Variants in HERC2 observed in about 807,000 individuals in gnomAD.
HERC2 encodes HECT and RLD domain containing E3 ubiquitin protein ligase 2, also known as E3 ubiquitin-protein ligase HERC2.
HERC2 carries 102 observed loss-of-function variants against 537.7 expected under a neutral mutation model. That is an observed-to-expected ratio of 0.19 (90% CI 0.16 to 0.22). The LOEUF (loss-of-function observed/expected upper bound fraction) is 0.22, where lower values mean the gene tolerates loss of function less well. HERC2 is among the 10% of genes least tolerant of loss of function. The pLI, the probability that HERC2 is intolerant of heterozygous loss-of-function variation, is 1.00. For missense variants in HERC2, 4,236 were observed against 6,198.2 expected, an observed-to-expected ratio of 0.68 and a Z score of 10.63; for synonymous variants, 2,224 against 2,466.2, an observed-to-expected ratio of 0.90 and a Z score of 2.91.
At chr15:28,293,913 G>A (rs954235669) in intron 3 of HERC2, among the ~76,000 whole-genome samples, 3 of 152,228 alleles carry the variant, frequency 2.0e-5, no homozygotes, top group Non-Finnish European at 2.9e-5. Flanking sequence ...GCGAAGAGAA[G>A]AGAGAACTAA....
rs1903957000 is a variant in HERC2 at position 28,248,645 on chromosome 15, A to T, written c.3142T>A (p.Ser1048Thr). The change falls in exon 21 of 93, where the codon TCT (serine) becomes ACT (threonine). Residue 1048 changes from serine to threonine, a missense_variant. Ser to Thr is a moderately conservative substitution (Grantham distance 58, BLOSUM62 1). Around this residue, in one of 27 missense-constraint regions of HERC2, gnomAD observed 754 missense variants for 1,085.0 expected, o/e 0.69. Coordinates refer to ENST00000261609, the MANE Select transcript of HERC2 (RefSeq NM_004667.6). ...LDFEQHSRER[S>T]ASLDLLLRFQ... ...CGCAGTAACAAATCCAATGAAGCAG[A>T]TCTTTCACGACTGTGTTGCTCAAAG... 1 of 1,613,888 alleles carries T rather than the reference A, an allele frequency of 6.2e-7. No homozygotes were observed.
At chr15:28,184,337 G>A (rs996137899) in intron 56 of HERC2, among the ~76,000 whole-genome samples, 2 of 152,156 alleles carry the variant, frequency 1.3e-5, no homozygotes, top group African/African-American at 2.4e-5. Context: ...CCAGCTGTAC[G>A]TGGTCAGTGT....
intron 68 of HERC2, among the ~76,000 whole-genome samples, chr15:28,164,179 C>T (rs564295004): frequency 2.0e-5 from 3 of 152,312 alleles, no homozygotes; most frequent in East Asian, 1.9e-4. Context: ...AGAGGAAGAT[C>T]GAGAGCCAGG....
chr15:28,188,398 G>A (rs942636290), intron 55 of HERC2, among the ~76,000 whole-genome samples: 2 of 152,108 alleles, frequency 1.3e-5, no homozygotes, highest in Non-Finnish European at 2.9e-5. Context: ...AACAAAATTA[G>A]CCAGGCATGG....
chr15:28,112,365 A>G (rs1887740518), intron 92 of HERC2, among the ~76,000 whole-genome samples: 3 of 152,212 alleles, frequency 2.0e-5, no homozygotes, highest in African/African-American at 7.2e-5. Flanking sequence ...TGAGTCTACC[A>G]GCCCAACTTT....
chr15:28,304,100 A>G (rs2076710071), intron 2 of HERC2, among the ~76,000 whole-genome samples: 1 of 126,650 alleles, frequency 7.9e-6, no homozygotes, highest in Admixed American at 1.0e-4. Context: ...CAGGAGGCAG[A>G]GGTTGCAGTG....
chr15:28,253,480 G>C (rs2075150011), intron 20 of HERC2, among the ~76,000 whole-genome samples: 1 of 152,160 alleles, frequency 6.6e-6, no homozygotes, highest in African/African-American at 2.4e-5. Flanking sequence ...TTTCTCTTCA[G>C]TGAAAAACTT....
intron 23 of HERC2, among the ~76,000 whole-genome samples, chr15:28,241,836 TA>T (rs1338014364): frequency 3.3e-5 from 5 of 150,524 alleles, no homozygotes; most frequent in African/African-American, 4.9e-5. Context: ...AATAAACAAA[TA>T]AAAAAAAGAA....
In HERC2 at chr15:28,130,524, T is replaced by A. The variant is rs1393831225; in HGVS notation, c.12641A>T (p.Lys4214Ile). Residue 4214 changes from lysine (K) to isoleucine (I), a missense_variant, in exon 82 of 93, where the codon AAA (lysine) becomes ATA (isoleucine). Around this residue, in one of 27 missense-constraint regions of HERC2, gnomAD observed 38 missense variants for 36.7 expected, o/e 1.04. Coordinates refer to ENST00000261609, the MANE Select transcript of HERC2 (RefSeq NM_004667.6). ...CGSQFSVALTKSGAVYTWGKG... is the reference protein window; with the variant it reads ...CGSQFSVALTISGAVYTWGKG... ...GTACCAGGTATAAACAGCTCCAGAT[T>A]TGGTAAGGGCAACAGAAAACTGGGA... 1 of 1,613,996 alleles carries A rather than the reference T, an allele frequency of 6.2e-7. No homozygotes were observed. The highest frequency in any genetic ancestry group is 8.5e-7 in the Non-Finnish European group (1 of 1,179,926).
At position 28,176,331 on chromosome 15, in the gene HERC2, C is replaced by T. The variant is rs1234273611; in HGVS notation, c.9686+97G>A. The stretch of plus-strand genomic sequence containing the variant: ...TGCATGCATAAGTAAAAAGAGGACA[C>T]GTCACAATCACGCCGGGTGAGCCTG... On this transcript the variant is annotated intron_variant, in intron 63 of 92. Transcript: ENST00000261609. This position sits in a 1 kb window ranked among gnomAD's most constrained non-coding sequence, Gnocchi z 5.0. The T allele has an allele frequency of 1.3e-5, 14 of 1,084,280 alleles. No homozygotes were observed. The highest frequency in any genetic ancestry group is 7.3e-5 in the South Asian group (5 of 68,902). The allele number at this position is 1,084,280 out of a possible 1,614,324, so 67.2% of individuals were successfully genotyped here. A position where few individuals can be genotyped will look rare whatever the true frequency, so the allele number is the denominator to read the frequency against.
intron 45 of HERC2, among the ~76,000 whole-genome samples, chr15:28,204,646 A>G (rs1898222200): frequency 6.6e-6 from 1 of 151,802 alleles, no homozygotes; most frequent in African/African-American, 2.4e-5. Flanking sequence ...ATAGACTTAA[A>G]GGATGAAGAA....
In HERC2 at chr15:28,248,569, T is replaced by C. The variant is rs1402453435; in HGVS notation, c.3218A>G (p.Gln1073Arg). Residue 1073 changes from glutamine (Q) to arginine (R), a missense_variant, in exon 21 of 93, where the codon CAG (glutamine) becomes CGG (arginine). This residue lies in a region of HERC2 where 754 missense variants were observed against 1,085.0 expected (regional missense o/e 0.69). Coordinates refer to ENST00000261609, the MANE Select transcript of HERC2 (RefSeq NM_004667.6). ...SKLYPGESIG[Q>R]TSDISSPELM... ...CAACTTACTAGAAATATCTGAGGTC[T>C]GACCAATACTTTCTCCTGGATAAAG... 5 of 1,613,664 alleles carry C rather than the reference T, an allele frequency of 3.1e-6. No individual in the cohort carries two copies. Among genetic ancestry groups the C allele is most frequent in the Non-Finnish European group, 4.2e-6 (5 of 1,179,708 alleles).
chr15:28,299,733 G>T (rs371818304), intron 2 of HERC2, among the ~76,000 whole-genome samples: 50 of 152,252 alleles, frequency 3.3e-4, no homozygotes, highest in African/African-American at 1.1e-3. Flanking sequence ...TAAATACTAT[G>T]CTACCTCTTA....
At chr15:28,192,399 A>T (rs2140275551) in intron 52 of HERC2, among the ~76,000 whole-genome samples, 1 of 152,324 alleles carries the variant, frequency 6.6e-6, no homozygotes, top group East Asian at 1.9e-4. Flanking sequence ...AGATTAATAT[A>T]TTTCCAAAGA....
chr15:28,270,730 T>C lies in HERC2; in HGVS notation c.1222A>G (p.Met408Val), dbSNP rs748146401. ...AHLDRLATPC[M>V]PPLCSSPTSH... ...GTCGGAGAGCTACACAGCGGAGGCA[T>C]ACAGGGCGTAGCCAGACGGTCTAAA... Residue 408 changes from methionine (M) to valine (V), a missense_variant, in exon 10 of 93, where the codon ATG becomes GTG. This residue lies in a region of HERC2 where 491 missense variants were observed against 559.3 expected (regional missense o/e 0.88). Transcript: ENST00000261609. The C allele has an allele frequency of 1.2e-5, 19 of 1,613,892 alleles. No homozygotes were observed. In the South Asian group the frequency reaches 2.0e-4, roughly 17 times the overall value.
intron 78 of HERC2, 121 bp downstream of exon 78, chr15:28,141,311 T>C: frequency 2.8e-6 from 2 of 723,192 alleles, no homozygotes; most frequent in Non-Finnish European, 4.8e-6. Flanking sequence ...CATACCACAG[T>C]ATCATTAATC....
chr15:28,155,787 T>G (rs1425014091), intron 69 of HERC2, among the ~76,000 whole-genome samples: 1 of 152,194 alleles, frequency 6.6e-6, no homozygotes, highest in Non-Finnish European at 1.5e-5. Context: ...TTTGTCAATT[T>G]TGGCTTTTGT....
At chr15:28,263,791 G>C (rs183143615) in intron 14 of HERC2, among the ~76,000 whole-genome samples, 35 of 152,074 alleles carry the variant, frequency 2.3e-4, no homozygotes, top group Non-Finnish European at 1.5e-4. Flanking sequence ...CAGAACTTTG[G>C]GAGGCCAAGG....
chr15:28,311,695 G>C (rs2076950001), intron 2 of HERC2, among the ~76,000 whole-genome samples: 1 of 151,942 alleles, frequency 6.6e-6, no homozygotes, highest in South Asian at 2.1e-4. Flanking sequence ...TCTGGGAGTA[G>C]TCAACAAATG....
Sources: gnomAD v4.1 joint callset for allele counts (sites outside exome capture counted in the v4.1 genomes callset) on GRCh38, gnomAD v4.1.1 for gene constraint, gnomAD v4.1.1 regional missense constraint, Gnocchi (gnomAD v3.1) non-coding constraint, MANE v1.5 for transcripts, NCBI Gene and HGNC (gene_info 2026-07-23, HGNC 2026-07-21) for gene names.